MYO9A: variants seen among roughly 807,000 people sequenced by gnomAD.
MYO9A encodes the protein myosin IXA.
A neutral mutation model predicts 293.3 loss-of-function variants in MYO9A; 103 were observed. The observed-to-expected ratio is 0.35, with a 90% CI of 0.30 to 0.41. The LOEUF (loss-of-function observed/expected upper bound fraction) is 0.41. Ranked by LOEUF, MYO9A falls within the 10% of genes least tolerant of loss-of-function variation. The pLI, the probability that MYO9A is intolerant of heterozygous loss-of-function variation, is 1.00. For synonymous variants in MYO9A, 1,001 were observed against 1,035.7 expected (o/e 0.97, Z 0.64); for missense variants, 2,685 against 3,033.0 (o/e 0.89, Z 2.69).
At chr15:72,033,835 G>A (rs2077953880) in intron 2 of MYO9A, among the ~76,000 whole-genome samples, 1 of 152,120 alleles carries the variant, frequency 6.6e-6, no homozygotes, top group Non-Finnish European at 1.5e-5. Flanking sequence ...TTTTAAAAAT[G>A]AAGCCACTGC....
intron 15 of MYO9A, among the ~76,000 whole-genome samples, chr15:71,939,742 G>GT (rs1190237159): frequency 4.6e-5 from 7 of 152,162 alleles, no homozygotes; most frequent in Non-Finnish European, 1.0e-4. Flanking sequence ...TGATAAACAT[G>GT]TAAGTTCCGT....
intron 38 of MYO9A, 112 bp downstream of exon 38, chr15:71,849,924 C>A: frequency 1.0e-6 from 1 of 959,184 alleles, no homozygotes; most frequent in Non-Finnish European, 1.5e-6. Flanking sequence ...CAACAATCTT[C>A]TTAAAAACAC....
intron 1 of MYO9A, among the ~76,000 whole-genome samples, chr15:72,062,002 C>T (rs944428415): frequency 2.0e-5 from 3 of 152,194 alleles, no homozygotes; most frequent in African/African-American, 7.2e-5. Context: ...GAGATACAGA[C>T]TCCACTAGTT....
At chr15:72,093,555 T>C (rs984995340) in intron 1 of MYO9A, among the ~76,000 whole-genome samples, 12 of 150,944 alleles carry the variant, frequency 7.9e-5, no homozygotes, top group African/African-American at 2.7e-4. Flanking sequence ...AGAATTAAAA[T>C]AATTTCTAAA....
intron 1 of MYO9A, among the ~76,000 whole-genome samples, chr15:72,055,247 C>T (rs2078687811): frequency 2.0e-5 from 3 of 152,078 alleles, no homozygotes; most frequent in Admixed American, 6.6e-5. Context: ...ATACCAAGAC[C>T]CCATCTCTAA....
chr15:71,871,828 AAAC>A (rs1331654426), intron 32 of MYO9A, among the ~76,000 whole-genome samples: 7 of 151,926 alleles, frequency 4.6e-5, no homozygotes, highest in Non-Finnish European at 1.0e-4. Context: ...AATCTACTAT[AAAC>A]AAAGTAACAA....
chr15:72,112,659 C>T (rs2080822226), intron 1 of MYO9A, among the ~76,000 whole-genome samples: 2 of 152,106 alleles, frequency 1.3e-5, no homozygotes, highest in Admixed American at 6.6e-5. Flanking sequence ...TATGTTCTTT[C>T]TACAGGATCA....
intron 11 of MYO9A, among the ~76,000 whole-genome samples, chr15:71,990,735 C>T (rs1346577674): frequency 3.6e-5 from 5 of 138,206 alleles, no homozygotes; most frequent in East Asian, 2.0e-4. Flanking sequence ...CCAGCCTGGG[C>T]GACAGAGCGA....
At chr15:72,066,396 G>T (rs2079022727) in intron 1 of MYO9A, among the ~76,000 whole-genome samples, 1 of 151,186 alleles carries the variant, frequency 6.6e-6, no homozygotes, top group African/African-American at 2.4e-5. Flanking sequence ...TGAGGCAGGG[G>T]AATCGCTTGA....
chr15:71,897,284 T>C lies in MYO9A; in HGVS notation c.5042+177A>G, dbSNP rs141383052. The C allele has an allele frequency of 1.3e-3, 903 of 671,958 alleles. 7 individuals carry two copies. In the African/African-American group the frequency reaches 0.014, roughly 11 times the overall value. 41.6% of individuals were successfully genotyped at this position (671,958 alleles called of 1,614,324 possible). On this transcript the variant is annotated intron_variant, in intron 25 of 41. Transcript: ENST00000356056. Reference sequence around the variant, plus strand: ...CATGATCAGTCAAGGATTCCTAGGATATAACTACATCCAACTTCAGGTGAT... The same window carrying C: ...CATGATCAGTCAAGGATTCCTAGGACATAACTACATCCAACTTCAGGTGAT...
At chr15:71,982,384 G>C (rs903398792) in intron 11 of MYO9A, among the ~76,000 whole-genome samples, 1 of 151,764 alleles carries the variant, frequency 6.6e-6, no homozygotes, top group Non-Finnish European at 1.5e-5. Context: ...ACTGATTTCA[G>C]GTATAATTTT....
At chr15:71,849,858 A>C (rs2055558461) in intron 38 of MYO9A, among the ~76,000 whole-genome samples, 178 bp downstream of exon 38, 1 of 152,194 alleles carries the variant, frequency 6.6e-6, no homozygotes, top group Non-Finnish European at 1.5e-5. Context: ...AAGACAAATG[A>C]TGCTCAGTTG....
At chr15:72,006,248 GT>G (rs1222858366) in intron 8 of MYO9A, among the ~76,000 whole-genome samples, 1 of 152,000 alleles carries the variant, frequency 6.6e-6, no homozygotes, top group South Asian at 2.1e-4. Context: ...TAATTTTTGT[GT>G]TTTTTTTTTG....
chr15:72,057,370 T>C (rs964882185), intron 1 of MYO9A, among the ~76,000 whole-genome samples: 2 of 152,228 alleles, frequency 1.3e-5, no homozygotes, highest in African/African-American at 4.8e-5. Context: ...ACGTGAATTA[T>C]TGTATGACAC....
chr15:72,069,916 G>A (rs529017398), intron 1 of MYO9A, among the ~76,000 whole-genome samples: 4 of 150,884 alleles, frequency 2.7e-5, no homozygotes, highest in East Asian at 1.9e-4. Context: ...TCAGGAGTTC[G>A]CAACCAGCCT....
At chr15:71,968,604 T>A (rs559665625) in intron 12 of MYO9A, among the ~76,000 whole-genome samples, 1 of 152,306 alleles carries the variant, frequency 6.6e-6, no homozygotes, top group East Asian at 1.9e-4. Flanking sequence ...ATACCAATTA[T>A]TTGTACTCAT....
At chr15:72,083,520 T>G (rs1352195912) in intron 1 of MYO9A, among the ~76,000 whole-genome samples, 2 of 152,196 alleles carry the variant, frequency 1.3e-5, no homozygotes, top group Non-Finnish European at 2.9e-5. Flanking sequence ...TCAGCTTTGA[T>G]TTTGGTTATT....
At chr15:71,860,712 C>A (rs1010319364) in intron 33 of MYO9A, among the ~76,000 whole-genome samples, 17 of 152,048 alleles carry the variant, frequency 1.1e-4, no homozygotes, top group Admixed American at 1.0e-3. Context: ...TGCCTGTAAT[C>A]CTAGCACACT....
At chr15:71,946,094 T>C (rs1047541766) in intron 15 of MYO9A, among the ~76,000 whole-genome samples, 1 of 152,222 alleles carries the variant, frequency 6.6e-6, no homozygotes, top group African/African-American at 2.4e-5. Flanking sequence ...TTATCTTTAA[T>C]ATATTGCTGA....
Sources: gnomAD v4.1 joint callset for allele counts (sites outside exome capture counted in the v4.1 genomes callset) on GRCh38, gnomAD v4.1.1 for gene constraint, MANE v1.5 for transcripts, NCBI Gene and HGNC (gene_info 2026-07-23, HGNC 2026-07-21) for gene names.